The following MARCHF10 variants were observed in gnomAD, a reference collection of about 807,000 sequenced individuals.
The protein encoded by MARCHF10 is probable E3 ubiquitin-protein ligase MARCHF10.
Under a neutral mutation model 76.2 loss-of-function variants are expected in MARCHF10, and 64 were observed. The observed-to-expected ratio is 0.84, with a 90% CI of 0.69 to 1.03. The LOEUF (loss-of-function observed/expected upper bound fraction) is 1.03. MARCHF10 is among the 50% of genes least tolerant of loss of function. MARCHF10 has a pLI of 0.00. For missense variants in MARCHF10, 875 were observed against 958.0 expected (o/e 0.91, Z 1.14); for synonymous variants, 340 against 357.5 (o/e 0.95, Z 0.55).
At position 62,801,713 on chromosome 17, in the gene MARCHF10, C is replaced by T. The variant is rs751735274; in HGVS notation, c.23G>A (p.Arg8Lys). Residue 8 changes from arginine (R) to lysine (K), a missense_variant, in exon 2 of 11, where the codon AGG (arginine) becomes AAG (lysine). By Grantham distance (26) the Arg-to-Lys change is conservative. Coordinates refer to ENST00000311269, the MANE Select transcript of MARCHF10 (RefSeq NM_152598.4). The stretch of plus-strand genomic sequence containing the variant: ...CTGAACATCGCTGAAGAACTTCTGC[C>T]TGTCCCTTGCGTCATGCAACATGAT... MLHDARD[R>K]QKFFSDVQYL... 2.5e-6 allele frequency: 4 copies of T among 1,614,052 alleles called. No homozygotes were observed. The highest frequency in any genetic ancestry group is 3.4e-6 in the Non-Finnish European group (4 of 1,180,016).
intron 2 of MARCHF10, among the ~76,000 whole-genome samples, chr17:62,789,409 G>A (rs1007405680): frequency 1.3e-5 from 2 of 152,220 alleles, no homozygotes; most frequent in Admixed American, 1.3e-4. Context: ...TAAAAAGCCT[G>A]CTGCTGTGGC....
intron 3 of MARCHF10, among the ~76,000 whole-genome samples, chr17:62,762,194 TC>T (rs1427631234): frequency 6.6e-6 from 1 of 152,190 alleles, no homozygotes; most frequent in Admixed American, 6.5e-5. Flanking sequence ...CGTTTATCCT[TC>T]CTCCACCCAT....
At position 62,793,906 on chromosome 17, in the gene MARCHF10, CCAT is replaced by C. The variant is rs566808989; in HGVS notation, c.91-5310_91-5308del. Among the ~76,000 whole-genome samples, 6 of 150,030 alleles carry C rather than the reference CCAT, an allele frequency of 4.0e-5. No individual in the cohort carries two copies. The East Asian group carries it at 1.0e-3, about 25-fold the overall frequency. ...CCACCACATCCATCAACCACCACCT[CCAT>C]CATCACCACCACCACCACCTCTATC... On this transcript the variant is annotated intron_variant, in intron 2 of 10. Coordinates refer to ENST00000311269, the MANE Select transcript of MARCHF10 (RefSeq NM_152598.4).
At chr17:62,764,892 G>C (rs4968631) in intron 3 of MARCHF10, among the ~76,000 whole-genome samples, 1 of 151,942 alleles carries the variant, frequency 6.6e-6, no homozygotes, top group Non-Finnish European at 1.5e-5. Context: ...AATAAAGAAC[G>C]AGGCTCAGTA....
chr17:62,710,887 A>G (rs2089896406), intron 9 of MARCHF10, among the ~76,000 whole-genome samples: 1 of 152,058 alleles, frequency 6.6e-6, no homozygotes, highest in Admixed American at 6.6e-5. Flanking sequence ...CAGGTCCTCC[A>G]TGTTCGGGTG....
intron 10 of MARCHF10, chr17:62,704,946 GT>G (rs36050741): frequency 0.035 from 28,696 of 809,050 alleles, 1 homozygote; most frequent in Middle Eastern, 0.041. Flanking sequence ...TTCTCCAGTC[GT>G]TTTTTTTTTT....
At chr17:62,737,694 A>G in intron 5 of MARCHF10, 1 of 204,712 alleles carries the variant, frequency 4.9e-6, no homozygotes, top group Non-Finnish European at 9.5e-6. Context: ...GAAAACCACC[A>G]CTCTGGGAAT....
In MARCHF10 at chr17:62,735,814, A is replaced by G. The variant is rs2091236661; in HGVS notation, c.1937+117T>C. On this transcript the variant is annotated intron_variant, in intron 6 of 10. Coordinates refer to ENST00000311269, the MANE Select transcript of MARCHF10 (RefSeq NM_152598.4). The stretch of plus-strand genomic sequence containing the variant: ...AATTTTCTCAAAATAAGCAACCACT[A>G]AAATGTCAAGGAAGGACCCATTTAT... 9 of 888,856 alleles carry G rather than the reference A, an allele frequency of 1.0e-5. No individual in the cohort carries two copies. The Admixed American group carries it at 2.0e-4, about 20-fold the overall frequency. The allele number at this position is 888,856 out of a possible 1,614,324, so 55.1% of individuals were successfully genotyped here.
intron 2 of MARCHF10, among the ~76,000 whole-genome samples, chr17:62,799,746 C>CAA (rs1304992460): frequency 5.1e-4 from 56 of 109,752 alleles, no homozygotes; most frequent in African/African-American, 1.6e-3. Context: ...AACTCTGTCT[C>CAA]AAAAAAAAAA....
chr17:62,765,667 C>T (rs1173553048), intron 3 of MARCHF10, among the ~76,000 whole-genome samples: 2 of 152,082 alleles, frequency 1.3e-5, no homozygotes, highest in African/African-American at 2.4e-5. Context: ...TGAAACTTCG[C>T]GCTGCAAGTT....
chr17:62,744,335 T>G, intron 5 of MARCHF10, 41 bp downstream of exon 5: 8 of 1,584,506 alleles, frequency 5.0e-6, no homozygotes, highest in Non-Finnish European at 6.0e-6. Flanking sequence ...AAATCAGTCC[T>G]CCTCTCCAAG....
rs543667934 is a variant in MARCHF10 at position 62,706,372 on chromosome 17, C to T, written c.2329-791G>A. On this transcript the variant is annotated intron_variant, in intron 9 of 10. Transcript: ENST00000311269. ...GGGCTAGCCACTGCCTCCGTTTTCT[C>T]TGGGCTCCTGAGATAACCTCCACCT... 5 of 152,324 alleles carry T rather than the reference C, an allele frequency of 3.3e-5. No individual in the cohort carries two copies. The East Asian group carries it at 9.7e-4, about 29-fold the overall frequency. 9.4% of individuals were successfully genotyped at this position (152,324 alleles called of 1,614,324 possible). A position where few individuals can be genotyped will look rare whatever the true frequency, so the allele number is the denominator to read the frequency against.
chr17:62,791,523 C>T (rs2092842409), intron 2 of MARCHF10, among the ~76,000 whole-genome samples: 1 of 152,086 alleles, frequency 6.6e-6, no homozygotes. Context: ...GATTGGTTTG[C>T]AAAGTTGAAA....
At chr17:62,787,773 G>A (rs935749603) in intron 3 of MARCHF10, among the ~76,000 whole-genome samples, 4 of 152,164 alleles carry the variant, frequency 2.6e-5, no homozygotes, top group African/African-American at 9.6e-5. Context: ...TAGATAGATA[G>A]ATAAGGATAG....
chr17:62,748,952 G>A (rs2091802040), intron 4 of MARCHF10, among the ~76,000 whole-genome samples: 1 of 152,196 alleles, frequency 6.6e-6, no homozygotes, highest in Admixed American at 6.5e-5. Flanking sequence ...TTGCCTTACA[G>A]AAAAGGAAGG....
At chr17:62,787,841 T>C (rs1349364984) in intron 3 of MARCHF10, among the ~76,000 whole-genome samples, 1 of 152,214 alleles carries the variant, frequency 6.6e-6, no homozygotes, top group African/African-American at 2.4e-5. Context: ...AAGTGCTTCG[T>C]ATAGTGCCTG....
At chr17:62,762,665 GCCT>G (rs1322489348) in intron 3 of MARCHF10, among the ~76,000 whole-genome samples, 8 of 152,122 alleles carry the variant, frequency 5.3e-5, no homozygotes, top group Admixed American at 5.2e-4. Context: ...TCCGGCCTCA[GCCT>G]CCTGAGTAGC....
chr17:62,787,413 A>T (rs1398374583), intron 3 of MARCHF10, among the ~76,000 whole-genome samples: 1 of 152,164 alleles, frequency 6.6e-6, no homozygotes, highest in Non-Finnish European at 1.5e-5. Flanking sequence ...GATAGGAAAG[A>T]AGGAGTCTCT....
At position 62,732,356 on chromosome 17, in the gene MARCHF10, C is replaced by T. The variant is rs535414296; in HGVS notation, c.1937+3575G>A. ...GTTATGAAAGCTGCAGGCATTAAGA[C>T]GGAATGGCATTAGATTAGGGAAAGA... On this transcript the variant is annotated intron_variant, in intron 6 of 10. Coordinates refer to ENST00000311269, the MANE Select transcript of MARCHF10 (RefSeq NM_152598.4). Among the ~76,000 whole-genome samples, 23 of 152,152 alleles carry T rather than the reference C, an allele frequency of 1.5e-4. No homozygotes were observed. In the South Asian group the frequency reaches 3.5e-3, roughly 23 times the overall value.
Sources: gnomAD v4.1 joint callset for allele counts (sites outside exome capture counted in the v4.1 genomes callset) on GRCh38, gnomAD v4.1.1 for gene constraint, MANE v1.5 for transcripts, NCBI Gene and HGNC (gene_info 2026-07-23, HGNC 2026-07-21) for gene names.